DOCK1: variants seen among roughly 807,000 people sequenced by gnomAD.
DOCK1 encodes the protein dedicator of cytokinesis 1.
In DOCK1, 138 loss-of-function variants were observed where a neutral mutation model predicts 262.7. The ratio of observed to expected loss-of-function variants is 0.53; its 90% CI spans 0.46 to 0.61. The LOEUF (loss-of-function observed/expected upper bound fraction) is 0.61, where lower values mean the gene tolerates loss of function less well. Among genes scored for constraint, DOCK1 ranks in the 20% least tolerant of loss-of-function variants. DOCK1 has a pLI of 0.00. For missense variants in DOCK1, 1,908 were observed against 2,370.7 expected, an observed-to-expected ratio of 0.80 and a Z score of 4.05; for synonymous variants, 866 against 867.4, an observed-to-expected ratio of 1.00 and a Z score of 0.03.
chr10:127,324,844 G>A (rs1024699909), intron 29 of DOCK1, among the ~76,000 whole-genome samples: 1 of 152,188 alleles, frequency 6.6e-6, no homozygotes, highest in African/African-American at 2.4e-5. Flanking sequence ...CCTGAGCCTT[G>A]ATAAATGATT....
At chr10:127,259,861 CCTACTT>C (rs1425363694) in intron 29 of DOCK1, among the ~76,000 whole-genome samples, 2 of 150,776 alleles carry the variant, frequency 1.3e-5, no homozygotes, top group Non-Finnish European at 2.9e-5. Context: ...ATTCTCTCTT[CCTACTT>C]CACTGTCTTC....
intron 29 of DOCK1, among the ~76,000 whole-genome samples, chr10:127,312,147 C>T (rs2062085489): frequency 6.6e-6 from 1 of 152,168 alleles, no homozygotes; most frequent in African/African-American, 2.4e-5. Flanking sequence ...GAACCCAGAG[C>T]TCTTGATGCC....
intron 27 of DOCK1, among the ~76,000 whole-genome samples, chr10:127,210,306 T>C (rs56713017): frequency 0.13 from 20,259 of 152,190 alleles, 1,499 homozygotes; most frequent in African/African-American, 0.18. Context: ...GAATGGCCCC[T>C]GCTTGTCTCG....
intron 38 of DOCK1, among the ~76,000 whole-genome samples, chr10:127,391,211 G>A (rs1565052023): frequency 6.6e-6 from 1 of 152,212 alleles, no homozygotes; most frequent in African/African-American, 2.4e-5. Flanking sequence ...CAAGCACCAA[G>A]ATATGATGTT....
At chr10:127,344,870 CA>C (rs1011994140) in intron 31 of DOCK1, among the ~76,000 whole-genome samples, 1 of 150,870 alleles carries the variant, frequency 6.6e-6, no homozygotes, top group Middle Eastern at 3.4e-3. Flanking sequence ...GACCCCCTTT[CA>C]AAAAAAAAGA....
At chr10:127,397,193 G>A (rs1334223202) in intron 38 of DOCK1, among the ~76,000 whole-genome samples, 1 of 128,728 alleles carries the variant, frequency 7.8e-6, no homozygotes, top group African/African-American at 3.2e-5. Flanking sequence ...CACGGGCAGC[G>A]TCTCCTGTGA....
At chr10:126,916,091 G>C (rs568355399) in intron 1 of DOCK1, among the ~76,000 whole-genome samples, 15 of 151,990 alleles carry the variant, frequency 9.9e-5, no homozygotes, top group South Asian at 2.1e-4. Flanking sequence ...CTGAATAATA[G>C]GGTCTGGTAT....
At chr10:127,347,254 C>T (rs1218773315) in intron 31 of DOCK1, among the ~76,000 whole-genome samples, 1 of 152,238 alleles carries the variant, frequency 6.6e-6, no homozygotes, top group Non-Finnish European at 1.5e-5. Context: ...TCAGTCGGGC[C>T]ATGGTCCCGG....
intron 44 of DOCK1, among the ~76,000 whole-genome samples, chr10:127,417,472 G>A (rs1331221492): frequency 6.6e-6 from 1 of 152,216 alleles, no homozygotes. Context: ...CTCCTGCACT[G>A]AAGGTGTCAT....
At chr10:126,906,685 C>T (rs572331457) in intron 1 of DOCK1, among the ~76,000 whole-genome samples, 1 of 152,340 alleles carries the variant, frequency 6.6e-6, no homozygotes, top group Admixed American at 6.5e-5. Flanking sequence ...GCTGGACCTG[C>T]CCGACCCTCT....
In DOCK1 at chr10:126,934,441, C is replaced by T. The variant is rs997572342; in HGVS notation, c.46+28878C>T. Among the ~76,000 whole-genome samples, 1,338 of 152,350 alleles carry T rather than the reference C, an allele frequency of 8.8e-3. 23 individuals are homozygous for T. Among genetic ancestry groups the T allele is most frequent in the African/African-American group, 0.031 (1,272 of 41,588 alleles). On this transcript the variant is annotated intron_variant, in intron 1 of 51. Coordinates refer to ENST00000623213, the MANE Select transcript of DOCK1 (RefSeq NM_001290223.2). ...CTCCCACCTTCGGAGAGAAGCCGTG[C>T]ACCATTCGACTCACTTTTTCATAAT...
intron 6 of DOCK1, among the ~76,000 whole-genome samples, chr10:126,993,071 A>G (rs1229757373): frequency 2.0e-5 from 3 of 152,138 alleles, no homozygotes; most frequent in Admixed American, 2.0e-4. Context: ...CTGATACAGA[A>G]CCCAGGATCT....
chr10:127,234,645 T>C (rs922007911), intron 27 of DOCK1, among the ~76,000 whole-genome samples: 1 of 152,072 alleles, frequency 6.6e-6, no homozygotes, highest in East Asian at 1.9e-4. Context: ...GACTCAATAA[T>C]GTGTTTCTAA....
chr10:126,906,608 C>T (rs1455145694), intron 1 of DOCK1, among the ~76,000 whole-genome samples: 1 of 152,188 alleles, frequency 6.6e-6, no homozygotes, highest in East Asian at 1.9e-4. Flanking sequence ...CCTCCCACAG[C>T]CCAGGCTGTG....
At chr10:127,064,924 C>T (rs1291968654) in intron 23 of DOCK1, among the ~76,000 whole-genome samples, 2 of 152,212 alleles carry the variant, frequency 1.3e-5, no homozygotes, top group Non-Finnish European at 2.9e-5. Flanking sequence ...CTGGCAGCCA[C>T]CGGTCCACTT....
At chr10:127,439,543 A>T (rs2069938772) in intron 49 of DOCK1, among the ~76,000 whole-genome samples, 2 of 152,182 alleles carry the variant, frequency 1.3e-5, no homozygotes. Flanking sequence ...CCAGAAGATG[A>T]GCAGGAGTCC....
intron 25 of DOCK1, among the ~76,000 whole-genome samples, chr10:127,110,694 G>A (rs953967805): frequency 3.3e-5 from 5 of 152,192 alleles, no homozygotes; most frequent in African/African-American, 9.6e-5. Context: ...GCAAGGAAAA[G>A]AATTCGAGTT....
intron 46 of DOCK1, among the ~76,000 whole-genome samples, chr10:127,425,649 G>T (rs1311204644): frequency 6.6e-6 from 1 of 152,114 alleles, no homozygotes; most frequent in East Asian, 1.9e-4. Context: ...GAGTAGCCGT[G>T]GTGTAGGGCG....
At chr10:127,009,620 G>A (rs1005860535) in intron 11 of DOCK1, among the ~76,000 whole-genome samples, 6 of 152,132 alleles carry the variant, frequency 3.9e-5, no homozygotes, top group Admixed American at 6.5e-5. Context: ...GGCATGGTAA[G>A]GGCAGTGGAA....
Sources: allele counts gnomAD v4.1 joint callset (sites outside exome capture counted in the v4.1 genomes callset), GRCh38; gene constraint gnomAD v4.1.1; transcripts MANE v1.5; gene names NCBI Gene and HGNC (gene_info 2026-07-23, HGNC 2026-07-21).